SLC24A3: variants seen among roughly 807,000 people sequenced by gnomAD.
SLC24A3 encodes solute carrier family 24 member 3, also known as sodium/potassium/calcium exchanger 3.
Under a neutral mutation model 75.8 loss-of-function variants are expected in SLC24A3, and 28 were observed. The observed-to-expected ratio is 0.37, with a 90% CI of 0.27 to 0.51. The LOEUF (loss-of-function observed/expected upper bound fraction) is 0.51. Ranked by LOEUF, SLC24A3 falls within the 20% of genes least tolerant of loss-of-function variation. The pLI is 0.94. For synonymous variants in SLC24A3, 372 were observed against 334.1 expected, an observed-to-expected ratio of 1.11 and a Z score of -1.24; for missense variants, 663 against 847.8, an observed-to-expected ratio of 0.78 and a Z score of 2.71.
chr20:19,643,297 A>G (rs2032096993), intron 6 of SLC24A3, among the ~76,000 whole-genome samples: 2 of 152,208 alleles, frequency 1.3e-5, no homozygotes, highest in South Asian at 4.1e-4. Context: ...TTAGCTCCTG[A>G]TACTGTGAAA....
At chr20:19,262,422 AAAAAG>A (rs1429069029) in intron 1 of SLC24A3, among the ~76,000 whole-genome samples, 1,563 of 150,808 alleles carry the variant, frequency 0.01, 22 homozygotes, top group African/African-American at 0.035. Context: ...AAAAAAAAAA[AAAAAG>A]AAAGAGAGAG....
intron 2 of SLC24A3, among the ~76,000 whole-genome samples, chr20:19,393,936 TCA>T (rs1986406767): frequency 6.6e-6 from 1 of 152,200 alleles, no homozygotes; most frequent in Non-Finnish European, 1.5e-5. Flanking sequence ...GTTGGAAGTC[TCA>T]CACTTACTGA....
chr20:19,588,392 T>G (rs2031329163), intron 6 of SLC24A3, among the ~76,000 whole-genome samples: 1 of 152,246 alleles, frequency 6.6e-6, no homozygotes, highest in Admixed American at 6.5e-5. Context: ...GGGTTGCACA[T>G]GACCAAGTCT....
Position 19,558,338 on chromosome 20 carries a change from T to C in SLC24A3, c.349-21662T>C, listed in dbSNP as rs537642761. ...TTTTATTTTGAAATAATTTTAGATA[T>C]ACAGAAAAGCTGCAAAATAGCACAG... On this transcript the variant is annotated intron_variant, in intron 3 of 16. Coordinates refer to ENST00000328041, the MANE Select transcript of SLC24A3 (RefSeq NM_020689.4). Among the ~76,000 whole-genome samples the C allele has an allele frequency of 1.7e-4, 26 of 152,268 alleles. 1 individual carries two copies. The East Asian group carries it at 4.8e-3, about 28-fold the overall frequency.
chr20:19,279,970 G>A lies in SLC24A3; in HGVS notation c.143-989G>A, dbSNP rs555134291. ...AGAGAGTCATGCTGTGGCCAGCAAC[G>A]TGGCCATTCCACTGTTCTCTGGGTC... On this transcript the variant is annotated intron_variant, in intron 1 of 16. Coordinates refer to ENST00000328041, the MANE Select transcript of SLC24A3 (RefSeq NM_020689.4). Among the ~76,000 whole-genome samples the A allele has an allele frequency of 2.6e-5, 4 of 152,294 alleles. No homozygotes were observed. The East Asian group carries it at 5.8e-4, about 22-fold the overall frequency.
intron 2 of SLC24A3, among the ~76,000 whole-genome samples, chr20:19,440,242 A>G (rs1807181011): frequency 6.6e-6 from 1 of 152,216 alleles, no homozygotes; most frequent in Non-Finnish European, 1.5e-5. Flanking sequence ...TGCTAGTCCT[A>G]TCTGACCGTG....
chr20:19,336,690 C>G (rs1219521812), intron 2 of SLC24A3, among the ~76,000 whole-genome samples: 4 of 127,302 alleles, frequency 3.1e-5, no homozygotes, highest in African/African-American at 1.4e-4. Context: ...CCCGCCACCC[C>G]CCACCCCCCA....
chr20:19,581,132 T>C (rs1411981792), intron 4 of SLC24A3, among the ~76,000 whole-genome samples: 1 of 152,226 alleles, frequency 6.6e-6, no homozygotes, highest in African/African-American at 2.4e-5. Context: ...GGAGGTGTTC[T>C]CTTCCACAGT....
Position 19,592,510 on chromosome 20 carries a change from G to A in SLC24A3, c.612+6966G>A, listed in dbSNP as rs140419165. Among the ~76,000 whole-genome samples, 18 of 152,242 alleles carry A rather than the reference G, an allele frequency of 1.2e-4. No homozygotes were observed. The East Asian group carries it at 3.1e-3, about 26-fold the overall frequency. On this transcript the variant is annotated intron_variant, in intron 6 of 16. Coordinates refer to ENST00000328041, the MANE Select transcript of SLC24A3 (RefSeq NM_020689.4). ...CAAGAGAGGTACTCATAATCAGCAC[G>A]GTGCAATGGGGGAAAGAAAATGAAG...
chr20:19,653,358 A>C (rs78450901), intron 6 of SLC24A3, among the ~76,000 whole-genome samples: 2,294 of 152,342 alleles, frequency 0.015, 35 homozygotes, highest in Middle Eastern at 0.051. Context: ...TCCAAATGCC[A>C]AGAACATTTT....
chr20:19,285,182 T>C (rs1983779156), intron 2 of SLC24A3, among the ~76,000 whole-genome samples: 1 of 152,122 alleles, frequency 6.6e-6, no homozygotes, highest in Non-Finnish European at 1.5e-5. Context: ...CATTTTCTGC[T>C]TTCAAAAAAA....
intron 9 of SLC24A3, among the ~76,000 whole-genome samples, chr20:19,679,540 G>GGGAGACCGTGGGGAGGGGGAGA (rs1568695471): frequency 9.8e-4 from 80 of 81,632 alleles, no homozygotes; most frequent in East Asian, 5.8e-3. Context: ...CCGTGGGGAG[G>GGGAGACCGTGGGGAGGGGGAGA]GGGAGAGGGA....
intron 1 of SLC24A3, among the ~76,000 whole-genome samples, chr20:19,220,197 T>C (rs1165255423): frequency 1.3e-5 from 2 of 152,218 alleles, no homozygotes; most frequent in Non-Finnish European, 2.9e-5. Flanking sequence ...ATTTAAATCA[T>C]GAAATCTAGT....
chr20:19,685,178 G>A lies in SLC24A3; in HGVS notation c.1141G>A (p.Val381Met), dbSNP rs76270899. The A allele has an allele frequency of 3.6e-3, 5,804 of 1,614,186 alleles. 98 individuals carry two copies. In the East Asian group the frequency reaches 0.051, roughly 14 times the overall value. Residue 381 changes from valine (V) to methionine (M), a missense_variant, in exon 12 of 17, where the codon GTG becomes ATG. Val to Met is a conservative substitution (Grantham distance 21, BLOSUM62 1). Coordinates refer to ENST00000328041, the MANE Select transcript of SLC24A3 (RefSeq NM_020689.4). ...VAIKIPIKHT[V>M]ENGTGPSSAP... Reference sequence around the variant, plus strand: ...CATCAAAATCCCAATTAAGCACACCGTGGAGAATGGGACAGGGCCCAGCAG... The same window carrying A: ...CATCAAAATCCCAATTAAGCACACCATGGAGAATGGGACAGGGCCCAGCAG...
intron 2 of SLC24A3, among the ~76,000 whole-genome samples, chr20:19,437,013 G>A (rs114475227): frequency 0.012 from 1,862 of 152,332 alleles, 34 homozygotes; most frequent in African/African-American, 0.043. Flanking sequence ...GGATAAATGA[G>A]TGAACAGAAT....
intron 10 of SLC24A3, among the ~76,000 whole-genome samples, chr20:19,682,792 CAG>C (rs1180307098): frequency 6.6e-6 from 1 of 152,080 alleles, no homozygotes; most frequent in East Asian, 1.9e-4. Flanking sequence ...AAGCTGCAAA[CAG>C]AAATAGAAAA....
chr20:19,405,028 C>T (rs1317259972), intron 2 of SLC24A3, among the ~76,000 whole-genome samples: 1 of 152,148 alleles, frequency 6.6e-6, no homozygotes, highest in Non-Finnish European at 1.5e-5. Flanking sequence ...GACCACTAGC[C>T]AGTGCCCCAG....
At chr20:19,529,397 C>A (rs1445881721) in intron 3 of SLC24A3, among the ~76,000 whole-genome samples, 1 of 152,192 alleles carries the variant, frequency 6.6e-6, no homozygotes, top group Non-Finnish European at 1.5e-5. Flanking sequence ...GCTGCACAGG[C>A]TGGAATCCTA....
intron 2 of SLC24A3, among the ~76,000 whole-genome samples, chr20:19,383,386 T>G (rs541323918): frequency 6.6e-6 from 1 of 152,296 alleles, no homozygotes; most frequent in African/African-American, 2.4e-5. Context: ...GTTAAGTTTT[T>G]TTTTTCCCAC....
Sources: gnomAD v4.1 joint callset for allele counts (sites outside exome capture counted in the v4.1 genomes callset) on GRCh38, gnomAD v4.1.1 for gene constraint, MANE v1.5 for transcripts, NCBI Gene and HGNC (gene_info 2026-07-23, HGNC 2026-07-21) for gene names.